The following PLCL1 variants were observed in gnomAD, a reference collection of about 807,000 sequenced individuals.
PLCL1 encodes the protein inactive phospholipase C-like protein 1.
PLCL1 carries 41 observed loss-of-function variants against 84.4 expected under a neutral mutation model. The observed-to-expected ratio is 0.49, with a 90% CI of 0.38 to 0.63. The LOEUF (loss-of-function observed/expected upper bound fraction) is 0.63. PLCL1 is among the 30% of genes least tolerant of loss of function. The pLI is 0.00. For synonymous variants in PLCL1, 490 were observed against 488.3 expected (o/e 1.00, Z -0.05); for missense variants, 1,206 against 1,367.8 (o/e 0.88, Z 1.87).
intron 1 of PLCL1, among the ~76,000 whole-genome samples, chr2:197,962,511 C>T (rs574246755): frequency 1.2e-4 from 18 of 152,092 alleles, no homozygotes; most frequent in Admixed American, 5.2e-4. Context: ...TGAGATATTT[C>T]GGTACAGGCA....
intron 1 of PLCL1, among the ~76,000 whole-genome samples, chr2:198,045,003 A>T (rs951644960): frequency 2.0e-5 from 3 of 152,202 alleles, no homozygotes; most frequent in African/African-American, 7.2e-5. Context: ...GACATCCAGT[A>T]ACTTTTTACT....
chr2:198,040,066 A>G (rs944956871), intron 1 of PLCL1, among the ~76,000 whole-genome samples: 10 of 152,236 alleles, frequency 6.6e-5, no homozygotes, highest in Admixed American at 5.9e-4. Flanking sequence ...TGTCTTAAAT[A>G]CGACTTGATA....
chr2:197,924,179 G>A (rs2105759526), intron 1 of PLCL1, among the ~76,000 whole-genome samples: 1 of 149,432 alleles, frequency 6.7e-6, no homozygotes, highest in Admixed American at 6.6e-5. Flanking sequence ...GAGAGGGAGA[G>A]GGAGAGGCCC....
chr2:198,084,700 A>G lies in PLCL1; in HGVS notation c.1183A>G (p.Lys395Glu). ...TGACATTTTTGATCCTGAGCAAAAG[A>G]AGGTTGCCCAAGATATGACCCAGCC... is the stretch of plus-strand genomic sequence containing the variant. Reference protein sequence around the residue: ...ECDIFDPEQKKVAQDMTQPLS... With the variant: ...ECDIFDPEQKEVAQDMTQPLS... The change falls in exon 2 of 6, where the codon AAG (lysine) becomes GAG (glutamate). Residue 395 changes from lysine to glutamate, a missense_variant. By Grantham distance (56) the Lys-to-Glu change is moderately conservative. Transcript: ENST00000428675. 1.9e-6 allele frequency: 3 copies of G among 1,613,942 alleles called. No homozygotes were observed. The highest frequency in any genetic ancestry group is 2.2e-5 in the South Asian group (2 of 91,064).
intron 1 of PLCL1, among the ~76,000 whole-genome samples, chr2:198,041,221 A>G (rs1691655685): frequency 6.6e-6 from 1 of 152,252 alleles, no homozygotes; most frequent in Non-Finnish European, 1.5e-5. Flanking sequence ...TCTCTGTTTT[A>G]CAATCTTGAA....
At chr2:197,832,356 A>G (rs1436352799) in intron 1 of PLCL1, among the ~76,000 whole-genome samples, 1 of 152,244 alleles carries the variant, frequency 6.6e-6, no homozygotes, top group Non-Finnish European at 1.5e-5. Flanking sequence ...ACGAACTACC[A>G]TAAGAGAATA....
intron 1 of PLCL1, among the ~76,000 whole-genome samples, chr2:197,963,865 G>C (rs981389311): frequency 6.6e-6 from 1 of 152,020 alleles, no homozygotes; most frequent in Non-Finnish European, 1.5e-5. Context: ...CCCAATGTAT[G>C]TTTTTGTCAC....
Position 198,092,447 on chromosome 2 carries a change from C to T in PLCL1, c.2919+3386C>T, listed in dbSNP as rs559157631. Among the ~76,000 whole-genome samples, 15 of 152,244 alleles carry T rather than the reference C, an allele frequency of 9.9e-5. 1 individual carries two copies. In the South Asian group the frequency reaches 2.9e-3, roughly 30 times the overall value. ...GATCAAATTAGAGTAATTAGCATAT[C>T]CATCACCTCAAACATTTATTTCTTA... On this transcript the variant is annotated intron_variant, in intron 3 of 5. Transcript: ENST00000428675.
intron 1 of PLCL1, among the ~76,000 whole-genome samples, chr2:198,069,671 T>G (rs530120007): frequency 6.6e-6 from 1 of 152,166 alleles, no homozygotes; most frequent in African/African-American, 2.4e-5. Flanking sequence ...GATTTAGTTT[T>G]TTGAAAAAAT....
At chr2:198,086,942 G>T (rs983067649) in intron 2 of PLCL1, among the ~76,000 whole-genome samples, 44 of 152,176 alleles carry the variant, frequency 2.9e-4, no homozygotes, top group African/African-American at 1.1e-3. Flanking sequence ...GATCATGAAA[G>T]AATTTGAAGT....
At chr2:197,811,150 G>A (rs1440606151) in intron 1 of PLCL1, among the ~76,000 whole-genome samples, 2 of 152,158 alleles carry the variant, frequency 1.3e-5, no homozygotes, top group African/African-American at 4.8e-5. Flanking sequence ...TCTAGTTCCT[G>A]TAATAGGAAA....
chr2:198,038,674 C>T (rs1691596173), intron 1 of PLCL1, among the ~76,000 whole-genome samples: 1 of 151,898 alleles, frequency 6.6e-6, no homozygotes, highest in Non-Finnish European at 1.5e-5. Flanking sequence ...TATTGCAGAC[C>T]AGTTTTTCCT....
chr2:198,002,733 T>C (rs1319381504), intron 1 of PLCL1, among the ~76,000 whole-genome samples: 1 of 152,188 alleles, frequency 6.6e-6, no homozygotes, highest in Non-Finnish European at 1.5e-5. Context: ...TGTGGGATCT[T>C]GAGTGTTCTG....
chr2:198,116,755 G>A (rs767881322), intron 5 of PLCL1, among the ~76,000 whole-genome samples: 6 of 151,996 alleles, frequency 3.9e-5, no homozygotes, highest in South Asian at 2.1e-4. Flanking sequence ...AGAAGCTCCA[G>A]GGTTTCAGAG....
intron 1 of PLCL1, among the ~76,000 whole-genome samples, chr2:197,962,765 A>C (rs1337214810): frequency 6.6e-6 from 1 of 151,900 alleles, no homozygotes; most frequent in Non-Finnish European, 1.5e-5. Flanking sequence ...GCCTCTAGTA[A>C]TTATCTTTCT....
At chr2:198,112,689 C>G (rs141482703) in intron 5 of PLCL1, among the ~76,000 whole-genome samples, 4 of 151,804 alleles carry the variant, frequency 2.6e-5, no homozygotes, top group Non-Finnish European at 5.9e-5. Flanking sequence ...GTCTATTAAA[C>G]GTTTAAAAAT....
intron 1 of PLCL1, among the ~76,000 whole-genome samples, chr2:197,870,944 G>A (rs539650690): frequency 4.6e-5 from 7 of 152,094 alleles, no homozygotes; most frequent in Admixed American, 2.0e-4. Context: ...GATACCATCC[G>A]TGATTCAGAT....
At chr2:197,958,159 T>C (rs1018521287) in intron 1 of PLCL1, among the ~76,000 whole-genome samples, 2 of 152,056 alleles carry the variant, frequency 1.3e-5, no homozygotes, top group Non-Finnish European at 2.9e-5. Context: ...AGTTTACATA[T>C]GAGTTAATTA....
Position 198,146,772 on chromosome 2 carries a change from G to T in PLCL1, c.3106-8G>T, listed in dbSNP as rs1440180100. 1 of 1,603,770 alleles carries T rather than the reference G, an allele frequency of 6.2e-7. No homozygotes were observed. The highest frequency in any genetic ancestry group is 1.7e-5 in the Admixed American group (1 of 58,660). On this transcript the variant is annotated splice_polypyrimidine_tract_variant and splice_region_variant and intron_variant, in intron 5 of 5. Transcript: ENST00000428675. ...TCTTCTTTGATGCCTGTTTTTTTCT[G>T]TTTGTAGGGCCAAGGAGATCTGTTG...
Sources: allele counts gnomAD v4.1 joint callset (sites outside exome capture counted in the v4.1 genomes callset), GRCh38; gene constraint gnomAD v4.1.1; transcripts MANE v1.5; gene names NCBI Gene and HGNC (gene_info 2026-07-23, HGNC 2026-07-21).